GRHL3: variants seen among roughly 807,000 people sequenced by gnomAD.
The protein encoded by GRHL3 is grainyhead-like protein 3 homolog.
In GRHL3, 20 loss-of-function variants were observed where a neutral mutation model predicts 70.3. That is an observed-to-expected ratio of 0.28 (90% CI 0.20 to 0.41). GRHL3 has a LOEUF of 0.41. Among genes scored for constraint, GRHL3 ranks in the 10% least tolerant of loss-of-function variants. GRHL3 has a pLI of 1.00. For missense variants in GRHL3, 637 were observed against 762.3 expected (o/e 0.84, Z 1.94); for synonymous variants, 299 against 299.9 (o/e 1.00, Z 0.03).
At chr1:24,360,306 G>T (rs1046912998), downstream of GRHL3, among the ~76,000 whole-genome samples, 7 of 152,136 alleles carry the variant, frequency 4.6e-5, no homozygotes, top group Non-Finnish European at 1.0e-4. Flanking sequence ...AAAAGTAGCT[G>T]GGTGTGGTGG....
chr1:24,322,984 C>T lies in GRHL3; in HGVS notation c.17+3416C>T. The T allele has an allele frequency of 3.7e-6, 4 of 1,093,418 alleles. No homozygotes were observed. Among genetic ancestry groups the T allele is most frequent in the Non-Finnish European group, 5.4e-6 (4 of 738,630 alleles). 67.7% of individuals were successfully genotyped at this position (1,093,418 alleles called of 1,614,324 possible). A position where few individuals can be genotyped will look rare whatever the true frequency, so the allele number is the denominator to read the frequency against. ...ACTGGGATCTTAACCGGGTCTTAGCCGAGCAGCCATAGGCCACCCCGCTTC... is the reference window on the plus strand; with the variant it reads ...ACTGGGATCTTAACCGGGTCTTAGCTGAGCAGCCATAGGCCACCCCGCTTC... On this transcript the variant is annotated intron_variant, in intron 1 of 15. Transcript: ENST00000361548. This position sits in a 1 kb window ranked among gnomAD's most constrained non-coding sequence, Gnocchi z 4.4.
chr1:24,338,176 T>C, intron 7 of GRHL3, 73 bp downstream of exon 7: 2 of 1,006,014 alleles, frequency 2.0e-6, no homozygotes, highest in Non-Finnish European at 2.9e-6. Flanking sequence ...GGCCTTTTTC[T>C]TACTCACCCC....
rs769929517 is a variant in GRHL3 at position 24,346,593 on chromosome 1, T to C, written c.1495T>C (p.Phe499Leu). 1 of 1,613,074 alleles carries C rather than the reference T, an allele frequency of 6.2e-7. No individual in the cohort carries two copies. The highest frequency in any genetic ancestry group is 1.7e-5 in the Admixed American group (1 of 59,998). The change falls in exon 13 of 16, where the codon TTT becomes CTT. Residue 499 changes from phenylalanine (F) to leucine (L), a missense_variant. Coordinates refer to ENST00000361548, the MANE Select transcript of GRHL3 (RefSeq NM_198173.3). ...TACCTGCTCGCCCTTCACTGAGGAGTTTGAGCCTCTGCCCTCCAAGCAGGC... is the reference window on the plus strand; with the variant it reads ...TACCTGCTCGCCCTTCACTGAGGAGCTTGAGCCTCTGCCCTCCAAGCAGGC... ...KRTCSPFTEE[F>L]EPLPSKQAKE...
At chr1:24,353,845 C>A (rs1048552052) in intron 15 of GRHL3, among the ~76,000 whole-genome samples, 3 of 151,378 alleles carry the variant, frequency 2.0e-5, no homozygotes, top group African/African-American at 7.4e-5. Context: ...GTGGGCCTAG[C>A]CCCTCAAGTC....
Position 24,334,545 on chromosome 1 carries a change from C to G in GRHL3, c.205-100C>G. The G allele has an allele frequency of 1.2e-6, 1 of 862,754 alleles. No homozygotes were observed. Among genetic ancestry groups the G allele is most frequent in the Non-Finnish European group, 1.9e-6 (1 of 517,686 alleles). The allele number at this position is 862,754 out of a possible 1,614,324, so 53.4% of individuals were successfully genotyped here. Reference sequence around the variant, plus strand: ...TGGGGACACAGCCGAACCATATCACCAAAGTTACTCCCCTGCCTGGCCAAA... The same window carrying G: ...TGGGGACACAGCCGAACCATATCACGAAAGTTACTCCCCTGCCTGGCCAAA... On this transcript the variant is annotated intron_variant, in intron 2 of 15. Coordinates refer to ENST00000361548, the MANE Select transcript of GRHL3 (RefSeq NM_198173.3). The surrounding 1 kb of genome is among the most constrained non-coding windows in gnomAD (Gnocchi z 4.3).
At chr1:24,345,812 C>T (rs973791931) in intron 12 of GRHL3, among the ~76,000 whole-genome samples, 1 of 152,182 alleles carries the variant, frequency 6.6e-6, no homozygotes, top group Non-Finnish European at 1.5e-5. Context: ...AAAACAGCCT[C>T]GAGAGGGTGA....
intron 1 of GRHL3, among the ~76,000 whole-genome samples, chr1:24,326,951 T>C (rs1639422240): frequency 6.6e-6 from 1 of 152,220 alleles, no homozygotes; most frequent in African/African-American, 2.4e-5. Flanking sequence ...AAGGTGTTAT[T>C]ACACTATCTC....
Position 24,354,421 on chromosome 1 carries a change from A to G in GRHL3, c.1742A>G (p.His581Arg), listed in dbSNP as rs751793396. The G allele has an allele frequency of 1.3e-5, 21 of 1,614,012 alleles. No individual in the cohort carries two copies. In the Admixed American group the frequency reaches 3.5e-4, roughly 27 times the overall value. Residue 581 changes from histidine to arginine, a missense_variant, in exon 16 of 16, where the codon CAC (histidine) becomes CGC (arginine). Physicochemically the swap from His to Arg is conservative, Grantham distance 29. Around this residue, in one of 2 missense-constraint regions of GRHL3, gnomAD observed 387 missense variants for 513.8 expected, o/e 0.75. Coordinates refer to ENST00000361548, the MANE Select transcript of GRHL3 (RefSeq NM_198173.3). ...AACATCATTCAGCATTACAGCAACC[A>G]CGTCGCCTTCCTGCTGGACATGGGG... The part of the protein sequence containing the change: ...DNNIIQHYSN[H>R]VAFLLDMGEL...
At chr1:24,328,196 G>T (rs895278478) in intron 1 of GRHL3, among the ~76,000 whole-genome samples, 1 of 152,254 alleles carries the variant, frequency 6.6e-6, no homozygotes, top group African/African-American at 2.4e-5. Flanking sequence ...GGGCTTGAAT[G>T]CTTTACTGTG....
intron 1 of GRHL3, among the ~76,000 whole-genome samples, chr1:24,328,338 G>T (rs1331959182): frequency 6.6e-6 from 1 of 152,140 alleles, no homozygotes; most frequent in Non-Finnish European, 1.5e-5. Flanking sequence ...TATCTCTCAG[G>T]GCTGTTGTGT....
downstream of GRHL3, among the ~76,000 whole-genome samples, chr1:24,355,898 C>CTTTTTTT (rs59310312): frequency 6.9e-6 from 1 of 144,718 alleles, no homozygotes. Context: ...TTTCATTTAT[C>CTTTTTTT]TTTTTTTTTT....
Position 24,336,798 on chromosome 1 carries a change from G to A in GRHL3, c.583G>A (p.Asp195Asn). 6.2e-7 allele frequency: 1 copy of A among 1,609,116 alleles called. No homozygotes were observed. Among genetic ancestry groups the A allele is most frequent in the East Asian group, 2.2e-5 (1 of 44,758 alleles). Residue 195 changes from aspartate to asparagine, a missense_variant, in exon 4 of 16, where the codon GAC becomes AAC. Asp to Asn is a conservative substitution (Grantham distance 23). This residue lies in a region of GRHL3 where 250 missense variants were observed against 248.6 expected (regional missense o/e 1.01). Transcript: ENST00000361548. Reference sequence around the variant, plus strand: ...GCCGCCCACACAGCGCTGGCAGCCAGACAGCACCTTCAAAGATGACCCACA... The same window carrying A: ...GCCGCCCACACAGCGCTGGCAGCCAAACAGCACCTTCAAAGATGACCCACA... ...GVPPTQRWQP[D>N]STFKDDPQES... is the part of the protein sequence containing the mutation.
chr1:24,339,361 C>T (rs561335270), intron 7 of GRHL3, among the ~76,000 whole-genome samples: 45 of 151,986 alleles, frequency 3.0e-4, no homozygotes, highest in Middle Eastern at 6.9e-3. Flanking sequence ...CTGCAACCTC[C>T]GCCTTCCAGG....
chr1:24,360,321 T>C (rs1265955266), intron 15 of GRHL3, among the ~76,000 whole-genome samples: 1 of 152,136 alleles, frequency 6.6e-6, no homozygotes, highest in Non-Finnish European at 1.5e-5. Flanking sequence ...TGGTGGCATG[T>C]ACCTGTAATT....
intron 7 of GRHL3, 119 bp from the exon 8 acceptor site, chr1:24,339,549 G>T: frequency 1.6e-6 from 1 of 628,130 alleles, no homozygotes; most frequent in Non-Finnish European, 2.9e-6. Context: ...AAAGTGCTGG[G>T]ATTACAGGCG....
intron 2 of GRHL3, among the ~76,000 whole-genome samples, chr1:24,333,977 T>C (rs1316294122): frequency 6.6e-6 from 1 of 152,228 alleles, no homozygotes; most frequent in Non-Finnish European, 1.5e-5. Context: ...AAACTGAGTC[T>C]CAGAGAGGTG....
chr1:24,356,742 G>C (rs1228935060), downstream of GRHL3, among the ~76,000 whole-genome samples: 1 of 152,212 alleles, frequency 6.6e-6, no homozygotes, highest in African/African-American at 2.4e-5. Flanking sequence ...TGCGAGGAAG[G>C]GGCTGCAGCA....
intron 11 of GRHL3, chr1:24,343,297 C>A (rs1640123204): frequency 2.3e-6 from 1 of 427,960 alleles, no homozygotes; most frequent in African/African-American, 2.0e-5. Context: ...TGATATCTGA[C>A]CCCAAATTTG....
chr1:24,356,599 C>G (rs1006242830), downstream of GRHL3, among the ~76,000 whole-genome samples: 1 of 152,214 alleles, frequency 6.6e-6, no homozygotes, highest in African/African-American at 2.4e-5. Context: ...GGAGAGCAGA[C>G]TTACCAGCCA....
Sources: gnomAD v4.1 joint callset for allele counts (sites outside exome capture counted in the v4.1 genomes callset) on GRCh38, gnomAD v4.1.1 for gene constraint, gnomAD v4.1.1 regional missense constraint, Gnocchi (gnomAD v3.1) non-coding constraint, MANE v1.5 for transcripts, NCBI Gene and HGNC (gene_info 2026-07-23, HGNC 2026-07-21) for gene names.